Variants in TCF12 observed in about 807,000 individuals in gnomAD.
TCF12 encodes DNA-binding protein HTF4.
Under a neutral mutation model 86.0 loss-of-function variants are expected in TCF12, and 45 were observed. The observed-to-expected ratio is 0.52, with a 90% confidence interval of 0.41 to 0.67. The LOEUF (loss-of-function observed/expected upper bound fraction) is 0.67. TCF12 is among the 30% of genes least tolerant of loss of function. The probability of loss-of-function intolerance (pLI) is 0.00; values close to 1 mark genes in which losing one functional copy is unlikely to be tolerated. For synonymous variants in TCF12, 330 were observed against 299.6 expected, an observed-to-expected ratio of 1.10 and a Z score of -1.05; for missense variants, 881 against 859.9, an observed-to-expected ratio of 1.02 and a Z score of -0.31.
intron 4 of TCF12, among the ~76,000 whole-genome samples, chr15:57,067,572 A>G (rs1172959936): frequency 1.4e-5 from 2 of 147,936 alleles, no homozygotes; most frequent in African/African-American, 5.0e-5. Flanking sequence ...AAGAGTGGTT[A>G]TAGAAGAAAT....
At chr15:56,989,324 T>C (rs1184313854) in intron 3 of TCF12, among the ~76,000 whole-genome samples, 2 of 152,218 alleles carry the variant, frequency 1.3e-5, no homozygotes, top group Non-Finnish European at 2.9e-5. Flanking sequence ...GCCTAAGATA[T>C]TTTCGTATCT....
chr15:57,192,116 A>G, intron 6 of TCF12, 42 bp from the exon 7 acceptor site: 1 of 1,608,030 alleles, frequency 6.2e-7, no homozygotes, highest in Non-Finnish European at 8.5e-7. Flanking sequence ...TTGGGTCAGT[A>G]TCAGCAGGAA....
intron 3 of TCF12, among the ~76,000 whole-genome samples, chr15:57,061,923 G>T (rs1463704293): frequency 6.6e-6 from 1 of 151,920 alleles, no homozygotes; most frequent in Non-Finnish European, 1.5e-5. Flanking sequence ...ATAGCTCACT[G>T]GTGTCTAATG....
intron 6 of TCF12, among the ~76,000 whole-genome samples, chr15:57,178,406 C>G (rs745434448): frequency 1.3e-5 from 2 of 152,028 alleles, no homozygotes; most frequent in Non-Finnish European, 1.5e-5. Context: ...TTTTTTTACT[C>G]TTAATTATAC....
At chr15:57,112,812 A>G (rs541106069) in intron 5 of TCF12, among the ~76,000 whole-genome samples, 1 of 152,336 alleles carries the variant, frequency 6.6e-6, no homozygotes, top group Non-Finnish European at 1.5e-5. Flanking sequence ...TTTGTACTTA[A>G]TAAGCTTATG....
chr15:57,289,946 A>G (rs2062047970), downstream of TCF12: 1 of 152,088 alleles, frequency 6.6e-6, no homozygotes, highest in Admixed American at 6.5e-5. Flanking sequence ...AGGAGTCTAC[A>G]TTCTTTTGCA....
intron 6 of TCF12, among the ~76,000 whole-genome samples, chr15:57,175,766 A>G (rs1453701940): frequency 6.6e-6 from 1 of 152,244 alleles, no homozygotes; most frequent in African/African-American, 2.4e-5. Flanking sequence ...TTACTCAAAT[A>G]ACATGAAGAG....
intron 4 of TCF12, among the ~76,000 whole-genome samples, chr15:57,064,816 G>C (rs867770111): frequency 8.2e-6 from 1 of 122,618 alleles, no homozygotes; most frequent in African/African-American, 4.0e-5. Flanking sequence ...AAAAAAAAGA[G>C]AGAGAGAGAA....
chr15:57,211,510 A>G (rs2058099573), intron 8 of TCF12, among the ~76,000 whole-genome samples: 1 of 152,264 alleles, frequency 6.6e-6, no homozygotes, highest in East Asian at 1.9e-4. Context: ...ATTTGCTGGC[A>G]TAAATGTTAT....
intron 3 of TCF12, among the ~76,000 whole-genome samples, chr15:57,054,627 T>C (rs780529260): frequency 1.3e-5 from 2 of 152,150 alleles, no homozygotes; most frequent in African/African-American, 2.4e-5. Context: ...AAGTGGAATA[T>C]TTTATTGTAT....
At chr15:57,184,668 A>G (rs978217451) in intron 6 of TCF12, among the ~76,000 whole-genome samples, 2 of 152,234 alleles carry the variant, frequency 1.3e-5, no homozygotes, top group Non-Finnish European at 2.9e-5. Context: ...GCATGTGGTA[A>G]TAATATGTTC....
chr15:57,240,528 C>T (rs2059569612), intron 12 of TCF12, among the ~76,000 whole-genome samples: 1 of 152,026 alleles, frequency 6.6e-6, no homozygotes, highest in Admixed American at 6.6e-5. Flanking sequence ...ATCAATTGCT[C>T]ATAAATGGTA....
intron 3 of TCF12, among the ~76,000 whole-genome samples, chr15:57,022,735 T>A (rs1483082474): frequency 1.3e-5 from 2 of 152,178 alleles, no homozygotes; most frequent in African/African-American, 4.8e-5. Flanking sequence ...ATCTGTTGTT[T>A]CCTGACTTTT....
intron 5 of TCF12, among the ~76,000 whole-genome samples, chr15:57,129,295 T>C (rs547391868): frequency 1.3e-5 from 2 of 152,346 alleles, no homozygotes; most frequent in African/African-American, 4.8e-5. Flanking sequence ...GTGCTATGGC[T>C]TATGCCTATA....
At chr15:57,012,162 A>G (rs974900825) in intron 3 of TCF12, among the ~76,000 whole-genome samples, 1 of 152,236 alleles carries the variant, frequency 6.6e-6, no homozygotes, top group African/African-American at 2.4e-5. Flanking sequence ...TATTCTGATT[A>G]GAAATTAAAA....
chr15:57,015,646 A>G (rs1204919170), intron 3 of TCF12, among the ~76,000 whole-genome samples: 3 of 152,194 alleles, frequency 2.0e-5, no homozygotes, highest in Admixed American at 1.3e-4. Flanking sequence ...TGGAGTGTCC[A>G]TTTGTGGGCT....
chr15:57,076,696 A>G (rs2070088046), intron 4 of TCF12, among the ~76,000 whole-genome samples: 1 of 151,818 alleles, frequency 6.6e-6, no homozygotes, highest in South Asian at 2.1e-4. Context: ...ATTTTTTTCC[A>G]TCATAGAATT....
chr15:57,082,338 A>G (rs891045709), intron 4 of TCF12, among the ~76,000 whole-genome samples: 1 of 152,254 alleles, frequency 6.6e-6, no homozygotes, highest in African/African-American at 2.4e-5. Context: ...AAGATAGGAT[A>G]CCAGTGACAA....
At chr15:57,197,669 G>A in intron 7 of TCF12, 104 bp from the exon 8 acceptor site, 1 of 1,336,360 alleles carries the variant, frequency 7.5e-7, no homozygotes, top group Non-Finnish European at 1.0e-6. Context: ...CCCAAATATT[G>A]GAAAACAAGA....
Sources: allele counts gnomAD v4.1 joint callset (sites outside exome capture counted in the v4.1 genomes callset), GRCh38; gene constraint gnomAD v4.1.1; transcripts MANE v1.5; gene names NCBI Gene and HGNC (gene_info 2026-07-23, HGNC 2026-07-21).